DLG2: variants seen among roughly 807,000 people sequenced by gnomAD.
DLG2 encodes discs large MAGUK scaffold protein 2, also known as disks large homolog 2.
Under a neutral mutation model 132.5 loss-of-function variants are expected in DLG2, and 45 were observed. The observed-to-expected ratio is 0.34, with a 90% CI of 0.27 to 0.44. The LOEUF is 0.44. Among genes scored for constraint, DLG2 ranks in the 20% least tolerant of loss-of-function variants. The pLI, the probability that DLG2 is intolerant of heterozygous loss-of-function variation, is 1.00. For synonymous variants in DLG2, 424 were observed against 419.6 expected, an observed-to-expected ratio of 1.01 and a Z score of -0.13; for missense variants, 1,045 against 1,196.9, an observed-to-expected ratio of 0.87 and a Z score of 1.87.
chr11:84,601,069 C>A (rs2099575623), intron 6 of DLG2, among the ~76,000 whole-genome samples: 1 of 152,248 alleles, frequency 6.6e-6, no homozygotes, highest in South Asian at 2.1e-4. Context: ...AGTGATCTAG[C>A]TATGCTGAAG....
At chr11:84,819,908 G>A (rs1355258197) in intron 6 of DLG2, among the ~76,000 whole-genome samples, 1 of 151,548 alleles carries the variant, frequency 6.6e-6, no homozygotes, top group African/African-American at 2.4e-5. Context: ...AGCACATCTG[G>A]AGACCTGTCT....
intron 4 of DLG2, among the ~76,000 whole-genome samples, chr11:85,267,333 A>G (rs2077275284): frequency 6.6e-6 from 1 of 152,218 alleles, no homozygotes; most frequent in Non-Finnish European, 1.5e-5. Context: ...AACTGTGAGA[A>G]ATAAATGTTT....
At position 84,981,800 on chromosome 11, in the gene DLG2, C is replaced by T. The variant is rs1436073865; in HGVS notation, c.357+129861G>A. 1.3e-5 allele frequency among the ~76,000 whole-genome samples: 2 copies of T among 152,072 alleles called. 1 individual carries two copies. Among genetic ancestry groups the T allele is most frequent in the Non-Finnish European group, 2.9e-5 (2 of 68,000 alleles). The stretch of plus-strand genomic sequence containing the variant: ...AAACTTTGAAATGGTTGTCAATATT[C>T]ACTGTTTCTACTTCCTCACCTCCCA... On this transcript the variant is annotated intron_variant, in intron 6 of 27. Transcript: ENST00000376104.
chr11:85,459,048 G>A (rs1212872567), intron 3 of DLG2, among the ~76,000 whole-genome samples: 1 of 152,200 alleles, frequency 6.6e-6, no homozygotes, highest in Non-Finnish European at 1.5e-5. Context: ...CCCGCCTGGT[G>A]ATGAGAGGGT....
Position 84,036,720 on chromosome 11 carries a change from A to C in DLG2, c.919+22595T>G, listed in dbSNP as rs2095873079. 2.0e-5 allele frequency among the ~76,000 whole-genome samples: 3 copies of C among 152,286 alleles called. 1 individual carries two copies. The highest frequency in any genetic ancestry group is 4.4e-5 in the Non-Finnish European group (3 of 68,014). On this transcript the variant is annotated intron_variant, in intron 11 of 27. Transcript: ENST00000376104. ...CCAGCTAAAAGTTTTAAAACTTGTG[A>C]ATTACAATAACAAGGAATTGTACCA...
chr11:85,493,036 A>G (rs1164325426), intron 3 of DLG2, among the ~76,000 whole-genome samples: 3 of 152,136 alleles, frequency 2.0e-5, no homozygotes, highest in Non-Finnish European at 2.9e-5. Flanking sequence ...TTTAAAAACC[A>G]TGGTTAATAA....
intron 11 of DLG2, among the ~76,000 whole-genome samples, chr11:84,031,052 C>G (rs1229844103): frequency 6.6e-6 from 1 of 152,064 alleles, no homozygotes; most frequent in Admixed American, 6.6e-5. Flanking sequence ...AAACCATAGT[C>G]TTGAGTTTGC....
At chr11:84,015,916 A>G (rs928506862) in intron 11 of DLG2, among the ~76,000 whole-genome samples, 1 of 152,036 alleles carries the variant, frequency 6.6e-6, no homozygotes, top group Non-Finnish European at 1.5e-5. Flanking sequence ...TGGGATTGCT[A>G]GGTTGAATTC....
intron 4 of DLG2, among the ~76,000 whole-genome samples, chr11:85,156,081 A>G (rs2077569785): frequency 6.6e-6 from 1 of 152,134 alleles, no homozygotes; most frequent in Admixed American, 6.5e-5. Flanking sequence ...AGCTATAGAG[A>G]CATGTACCTG....
chr11:83,848,552 T>C (rs1306459164), intron 16 of DLG2, among the ~76,000 whole-genome samples: 11 of 152,220 alleles, frequency 7.2e-5, no homozygotes, highest in Admixed American at 7.2e-4. Context: ...TCTTCTCTAC[T>C]GCTCATCTAG....
intron 6 of DLG2, among the ~76,000 whole-genome samples, chr11:84,583,320 G>C (rs184753578): frequency 4.0e-4 from 61 of 152,264 alleles, no homozygotes; most frequent in African/African-American, 1.5e-3. Context: ...TGCTGTCACA[G>C]ATGCAGAAGA....
chr11:85,192,120 C>T (rs1330387398), intron 4 of DLG2, among the ~76,000 whole-genome samples: 2 of 152,134 alleles, frequency 1.3e-5, no homozygotes, highest in African/African-American at 4.8e-5. Flanking sequence ...CGCGTACAGG[C>T]TTTGGAGACA....
chr11:84,078,874 T>G (rs985994583), intron 10 of DLG2, among the ~76,000 whole-genome samples: 2 of 151,212 alleles, frequency 1.3e-5, no homozygotes, highest in African/African-American at 4.9e-5. Context: ...CAACTGCCTA[T>G]TTGATATCTC....
intron 6 of DLG2, among the ~76,000 whole-genome samples, chr11:84,971,678 G>A (rs556937316): frequency 1.3e-5 from 2 of 152,068 alleles, no homozygotes; most frequent in African/African-American, 4.8e-5. Context: ...GTGCTAATTA[G>A]TTTAAAAGGG....
chr11:85,425,842 C>T lies in DLG2; in HGVS notation c.41-140477G>A, dbSNP rs890220584. On this transcript the variant is annotated intron_variant, in intron 3 of 27. Transcript: ENST00000376104. Reference sequence around the variant, plus strand: ...CAAGAGCCGAAGCAGGGCAAGGCATCGCCTCACCCAGGAAGCGCAAGGGGT... The same window carrying T: ...CAAGAGCCGAAGCAGGGCAAGGCATTGCCTCACCCAGGAAGCGCAAGGGGT... 3.3e-5 allele frequency among the ~76,000 whole-genome samples: 5 copies of T among 152,124 alleles called. No individual in the cohort carries two copies. The East Asian group carries it at 5.8e-4, about 18-fold the overall frequency.
intron 17 of DLG2, among the ~76,000 whole-genome samples, chr11:83,788,977 T>A (rs530892793): frequency 6.6e-6 from 1 of 152,366 alleles, no homozygotes; most frequent in East Asian, 1.9e-4. Context: ...TAAACATTTC[T>A]TTACAATTTT....
chr11:83,467,771 G>GTGTATATATA (rs1283789103), intron 25 of DLG2, among the ~76,000 whole-genome samples: 5 of 85,060 alleles, frequency 5.9e-5, no homozygotes, highest in Non-Finnish European at 1.1e-4. Context: ...AAAACTATAT[G>GTGTATATATA]TATATATATA....
At chr11:84,584,336 G>C (rs1236775604) in intron 6 of DLG2, among the ~76,000 whole-genome samples, 1 of 151,844 alleles carries the variant, frequency 6.6e-6, no homozygotes, top group Non-Finnish European at 1.5e-5. Context: ...TTTTGATGAT[G>C]TCTATTGAAC....
chr11:85,002,697 G>A (rs1252936044), intron 6 of DLG2, among the ~76,000 whole-genome samples: 1 of 151,948 alleles, frequency 6.6e-6, no homozygotes, highest in Non-Finnish European at 1.5e-5. Flanking sequence ...ACATGGATTT[G>A]ACCTGCAGAG....
Sources: gnomAD v4.1 joint callset for allele counts (sites outside exome capture counted in the v4.1 genomes callset) on GRCh38, gnomAD v4.1.1 for gene constraint, MANE v1.5 for transcripts, NCBI Gene and HGNC (gene_info 2026-07-23, HGNC 2026-07-21) for gene names.